The following ADAM23 variants were observed in gnomAD, a reference collection of about 807,000 sequenced individuals.
The protein encoded by ADAM23 is disintegrin and metalloproteinase domain-containing protein 23.
Under a neutral mutation model 120.1 loss-of-function variants are expected in ADAM23, and 33 were observed. The observed-to-expected ratio is 0.27, with a 90% confidence interval of 0.21 to 0.37. ADAM23 has a LOEUF of 0.37. Among genes scored for constraint, ADAM23 ranks in the 10% least tolerant of loss-of-function variants. The pLI is 1.00. For missense variants in ADAM23, 862 were observed against 1,058.2 expected, an observed-to-expected ratio of 0.81 and a Z score of 2.57; for synonymous variants, 367 against 375.2, an observed-to-expected ratio of 0.98 and a Z score of 0.25.
At chr2:206,445,262 T>C (rs1342669426) in intron 1 of ADAM23, 45 bp from the exon 2 acceptor site, 1 of 1,363,868 alleles carries the variant, frequency 7.3e-7, no homozygotes, top group Non-Finnish European at 1.0e-6. Context: ...TGTGTGTTTG[T>C]GTATGTTTGT....
intron 9 of ADAM23, among the ~76,000 whole-genome samples, chr2:206,551,529 T>C (rs974396300): frequency 6.6e-6 from 1 of 152,332 alleles, no homozygotes; most frequent in African/African-American, 2.4e-5. Flanking sequence ...GACAAACTTA[T>C]GAAAGATTGG....
chr2:206,454,261 A>G (rs1390704662), intron 2 of ADAM23, among the ~76,000 whole-genome samples: 1 of 152,144 alleles, frequency 6.6e-6, no homozygotes, highest in Non-Finnish European at 1.5e-5. Context: ...GGAAGCAAGC[A>G]AGTCTTACCA....
At chr2:206,552,642 ATTG>A (rs1697554813) in intron 9 of ADAM23, among the ~76,000 whole-genome samples, 1 of 151,848 alleles carries the variant, frequency 6.6e-6, no homozygotes, top group Non-Finnish European at 1.5e-5. Flanking sequence ...TCATTTTATT[ATTG>A]TTGTTAGTAT....
At chr2:206,602,457 A>G (rs1488485667) in intron 24 of ADAM23, among the ~76,000 whole-genome samples, 1 of 152,168 alleles carries the variant, frequency 6.6e-6, no homozygotes, top group Non-Finnish European at 1.5e-5. Context: ...ACTAGTATAT[A>G]AAGAGTTTAT....
rs72935490 is a variant in ADAM23, at chr2:206,506,736, G to A, written c.510-24149G>A. ...CTCTCTGAAGGGTAAAGCCCGTCAT[G>A]CTTAATCATCATTTGCATTTTTTTC... On this transcript the variant is annotated intron_variant, in intron 3 of 25. Coordinates refer to ENST00000264377, the MANE Select transcript of ADAM23 (RefSeq NM_003812.4). 6.1e-4 allele frequency among the ~76,000 whole-genome samples: 93 copies of A among 152,284 alleles called. 2 individuals are homozygous for A. Among genetic ancestry groups the A allele is most frequent in the Admixed American group, 1.0e-3 (16 of 15,306 alleles).
chr2:206,501,501 C>T (rs533146375), intron 3 of ADAM23, among the ~76,000 whole-genome samples: 1 of 152,086 alleles, frequency 6.6e-6, no homozygotes, highest in South Asian at 2.1e-4. Context: ...AAGATAACAG[C>T]CAAAGTTCTG....
At chr2:206,462,371 C>G (rs1356521497) in intron 2 of ADAM23, among the ~76,000 whole-genome samples, 2 of 152,178 alleles carry the variant, frequency 1.3e-5, no homozygotes, top group African/African-American at 4.8e-5. Flanking sequence ...GTTCTCACAA[C>G]GTTAAATAAT....
chr2:206,616,658 C>T (rs758155998), intron 25 of ADAM23, among the ~76,000 whole-genome samples: 1 of 151,910 alleles, frequency 6.6e-6, no homozygotes, highest in East Asian at 1.9e-4. Context: ...GGCCCTCAGT[C>T]GGTGGGCAGG....
intron 2 of ADAM23, among the ~76,000 whole-genome samples, chr2:206,460,192 A>T (rs529230385): frequency 6.6e-6 from 1 of 152,178 alleles, no homozygotes; most frequent in East Asian, 1.9e-4. Context: ...GGTTGGCAGG[A>T]AGTGCTCTTT....
At chr2:206,531,368 A>T (rs564725461) in intron 4 of ADAM23, among the ~76,000 whole-genome samples, 4 of 152,296 alleles carry the variant, frequency 2.6e-5, no homozygotes, top group Non-Finnish European at 4.4e-5. Flanking sequence ...TTTAGGTAGT[A>T]CTTTTTCTCT....
At chr2:206,543,013 A>G (rs1697323792) in intron 5 of ADAM23, among the ~76,000 whole-genome samples, 1 of 152,220 alleles carries the variant, frequency 6.6e-6, no homozygotes, top group African/African-American at 2.4e-5. Context: ...TATATCAGGT[A>G]TAATTTGCAT....
In ADAM23 at chr2:206,617,938, C is replaced by T; in HGVS notation, c.*311C>T. The T allele has an allele frequency of 3.6e-6, 1 of 277,084 alleles. No individual in the cohort carries two copies. The allele number at this position is 277,084 out of a possible 1,614,324, so 17.2% of individuals were successfully genotyped here. A position where few individuals can be genotyped will look rare whatever the true frequency, so the allele number is the denominator to read the frequency against. Reference sequence around the variant, plus strand: ...ACAACACACACACAAAAATTAAATGCAATAAAGGAATCATTAAAAAAAATA... The same window carrying T: ...ACAACACACACACAAAAATTAAATGTAATAAAGGAATCATTAAAAAAAATA... On this transcript the variant is annotated 3_prime_UTR_variant, in exon 26 of 26. Coordinates refer to ENST00000264377, the MANE Select transcript of ADAM23 (RefSeq NM_003812.4).
At chr2:206,500,387 C>G (rs1336231949) in intron 3 of ADAM23, among the ~76,000 whole-genome samples, 1 of 152,072 alleles carries the variant, frequency 6.6e-6, no homozygotes, top group African/African-American at 2.4e-5. Context: ...CACCAACATG[C>G]AGGTAGTTAG....
At chr2:206,540,491 C>T (rs1359273004) in intron 4 of ADAM23, among the ~76,000 whole-genome samples, 1 of 151,924 alleles carries the variant, frequency 6.6e-6, no homozygotes, top group Non-Finnish European at 1.5e-5. Flanking sequence ...CTGTTTTCTC[C>T]CGATAACCCA....
intron 9 of ADAM23, among the ~76,000 whole-genome samples, chr2:206,550,640 C>T (rs1378471950): frequency 2.1e-5 from 3 of 142,150 alleles, no homozygotes; most frequent in Admixed American, 7.3e-5. Context: ...CTCGCTCTGT[C>T]GCCCAGCCTG....
chr2:206,459,932 C>T (rs1198362412), intron 2 of ADAM23, among the ~76,000 whole-genome samples: 1 of 152,218 alleles, frequency 6.6e-6, no homozygotes, highest in Non-Finnish European at 1.5e-5. Context: ...CCCACTATCT[C>T]TCACATGCAC....
intron 4 of ADAM23, among the ~76,000 whole-genome samples, chr2:206,541,131 A>G (rs947329656): frequency 6.6e-5 from 10 of 151,470 alleles, no homozygotes; most frequent in African/African-American, 2.4e-4. Context: ...ACGCCATTGC[A>G]CTCCAGCCTG....
intron 15 of ADAM23, 31 bp downstream of exon 15, chr2:206,567,353 T>C (rs1342393335): frequency 6.4e-7 from 1 of 1,557,710 alleles, no homozygotes; most frequent in Non-Finnish European, 8.8e-7. Context: ...ACTAAGAAAG[T>C]ATATTATTTC....
chr2:206,576,869 A>T (rs1027272798), intron 18 of ADAM23, among the ~76,000 whole-genome samples: 12 of 152,220 alleles, frequency 7.9e-5, no homozygotes, highest in African/African-American at 2.9e-4. Context: ...GATAGCAGAA[A>T]TAGGAGAAAT....
Sources: allele counts gnomAD v4.1 joint callset (sites outside exome capture counted in the v4.1 genomes callset), GRCh38; gene constraint gnomAD v4.1.1; transcripts MANE v1.5; gene names NCBI Gene and HGNC (gene_info 2026-07-23, HGNC 2026-07-21).